Variants in FER observed in about 807,000 individuals in gnomAD.
FER encodes the protein tyrosine-protein kinase Fer.
A neutral mutation model predicts 111.0 loss-of-function variants in FER; 63 were observed. That is an observed-to-expected ratio of 0.57 (90% CI 0.46 to 0.70). The LOEUF (loss-of-function observed/expected upper bound fraction) is 0.70. FER is among the 30% of genes least tolerant of loss of function. FER has a pLI of 0.00. For synonymous variants in FER, 327 were observed against 313.9 expected (o/e 1.04, Z -0.44); for missense variants, 914 against 954.0 (o/e 0.96, Z 0.55).
chr5:108,906,087 C>G (rs759232686), intron 10 of FER, among the ~76,000 whole-genome samples: 1 of 152,176 alleles, frequency 6.6e-6, no homozygotes, highest in Admixed American at 6.5e-5. Context: ...GGGACTTTTT[C>G]TGTCCCCATT....
chr5:108,825,341 G>T (rs1012723568), intron 3 of FER, among the ~76,000 whole-genome samples: 1 of 152,190 alleles, frequency 6.6e-6, no homozygotes, highest in Non-Finnish European at 1.5e-5. Context: ...CCCTAGGTGC[G>T]CATTCTCTTT....
At chr5:109,070,272 G>A (rs572089039) in intron 16 of FER, among the ~76,000 whole-genome samples, 4 of 152,060 alleles carry the variant, frequency 2.6e-5, no homozygotes, top group African/African-American at 9.6e-5. Context: ...AAATGAAAGA[G>A]CATAAGACAT....
intron 8 of FER, among the ~76,000 whole-genome samples, chr5:108,874,946 A>G (rs1764938202): frequency 6.6e-6 from 1 of 152,154 alleles, no homozygotes; most frequent in Non-Finnish European, 1.5e-5. Flanking sequence ...TACATATGTA[A>G]GTTGGTGTAT....
chr5:109,040,006 A>G (rs541225309), intron 14 of FER, among the ~76,000 whole-genome samples: 21 of 152,090 alleles, frequency 1.4e-4, no homozygotes, highest in Non-Finnish European at 2.2e-4. Context: ...TGAGTTCTGG[A>G]TGTACTTTTG....
At chr5:109,084,784 G>A (rs539898801) in intron 16 of FER, among the ~76,000 whole-genome samples, 7 of 151,902 alleles carry the variant, frequency 4.6e-5, no homozygotes, top group African/African-American at 1.7e-4. Flanking sequence ...ATGTTACCGA[G>A]GGGGTTGAAA....
At chr5:108,856,261 C>G (rs994620329) in intron 5 of FER, among the ~76,000 whole-genome samples, 1 of 152,052 alleles carries the variant, frequency 6.6e-6, no homozygotes, top group Admixed American at 6.6e-5. Flanking sequence ...TTCACAGACT[C>G]CCTCTTCACA....
chr5:109,015,251 G>A (rs1156392376), intron 13 of FER, among the ~76,000 whole-genome samples: 4 of 151,952 alleles, frequency 2.6e-5, no homozygotes, highest in Non-Finnish European at 5.9e-5. Context: ...TGATTTTGCT[G>A]TTCAGCACTT....
intron 16 of FER, among the ~76,000 whole-genome samples, chr5:109,047,411 G>A (rs1036881658): frequency 6.6e-6 from 1 of 151,950 alleles, no homozygotes; most frequent in African/African-American, 2.4e-5. Context: ...TTTTTAAAAG[G>A]CAGATTTATT....
chr5:109,147,800 T>TATATAGAG (rs1487827199), intron 17 of FER, among the ~76,000 whole-genome samples: 26 of 118,606 alleles, frequency 2.2e-4, no homozygotes, highest in African/African-American at 3.5e-4. Flanking sequence ...TATATATATA[T>TATATAGAG]AGAGAGAGAG....
At chr5:109,146,566 T>C (rs1754240082) in intron 17 of FER, among the ~76,000 whole-genome samples, 1 of 151,954 alleles carries the variant, frequency 6.6e-6, no homozygotes, top group Non-Finnish European at 1.5e-5. Flanking sequence ...TAACATTTCC[T>C]TGTATGGCAA....
rs753923532 is a variant in FER, at chr5:108,835,776, C to T, written c.450C>T (p.Ala150=). 1.4e-5 allele frequency: 22 copies of T among 1,557,020 alleles called. No individual in the cohort carries two copies. In the East Asian group the frequency reaches 5.0e-4, roughly 35 times the overall value. Residue 150 remains alanine (A), a synonymous_variant, in exon 5 of 20, where the codon GCC becomes GCT. Transcript: ENST00000281092. Reference sequence around the variant, plus strand: ...AATTAATAAAAGAAATGAATTCTGCCAAAGAGAAATATAAAGAAGCTTTAG... The same window carrying T: ...AATTAATAAAAGAAATGAATTCTGCTAAAGAGAAATATAAAGAAGCTTTAG... ...YRQLIKEMNS[A]KEKYKEALAK...
intron 16 of FER, among the ~76,000 whole-genome samples, chr5:109,076,377 A>G (rs1776342567): frequency 6.6e-6 from 1 of 152,090 alleles, no homozygotes; most frequent in South Asian, 2.1e-4. Context: ...TTCCTTGCCC[A>G]CTGGATAATT....
chr5:109,030,662 G>C (rs1455559201), intron 13 of FER, among the ~76,000 whole-genome samples: 1 of 152,120 alleles, frequency 6.6e-6, no homozygotes, highest in Non-Finnish European at 1.5e-5. Flanking sequence ...ACTGAGGAAG[G>C]GCATCTTAGG....
chr5:108,835,180 C>T (rs1409745348), intron 4 of FER, among the ~76,000 whole-genome samples: 2 of 97,978 alleles, frequency 2.0e-5, no homozygotes, highest in Non-Finnish European at 4.1e-5. Flanking sequence ...TCTTCGTTTG[C>T]GCCACCCCCC....
chr5:108,797,392 G>T (rs554741778), intron 2 of FER, among the ~76,000 whole-genome samples: 51 of 152,236 alleles, frequency 3.4e-4, no homozygotes, highest in Non-Finnish European at 8.8e-5. Flanking sequence ...TCTCTAGGTT[G>T]CTGAAACTCA....
chr5:109,049,081 G>A (rs1444799682), intron 16 of FER, among the ~76,000 whole-genome samples: 2 of 152,110 alleles, frequency 1.3e-5, no homozygotes, highest in Non-Finnish European at 2.9e-5. Context: ...GTGTCTGTAG[G>A]TAAAAATTCA....
At chr5:108,828,230 A>G (rs1448781863) in intron 3 of FER, among the ~76,000 whole-genome samples, 1 of 152,158 alleles carries the variant, frequency 6.6e-6, no homozygotes, top group Non-Finnish European at 1.5e-5. Context: ...GTTAAAATGG[A>G]TAGTGTTAAC....
At position 109,136,107 on chromosome 5, in the gene FER, G is replaced by C. The variant is rs150353814; in HGVS notation, c.2048+35588G>C. Among the ~76,000 whole-genome samples, 32 of 151,806 alleles carry C rather than the reference G, an allele frequency of 2.1e-4. No homozygotes were observed. The East Asian group carries it at 5.3e-3, about 25-fold the overall frequency. On this transcript the variant is annotated intron_variant, in intron 17 of 19. Transcript: ENST00000281092. ...CCTGTTTTTACTAAAAATACAAAAAGTAGTCGAGCGTAGTGGCACTCACCT... is the reference window on the plus strand; with the variant it reads ...CCTGTTTTTACTAAAAATACAAAAACTAGTCGAGCGTAGTGGCACTCACCT...
intron 16 of FER, among the ~76,000 whole-genome samples, chr5:109,079,643 T>C (rs1194842170): frequency 6.6e-6 from 1 of 152,144 alleles, no homozygotes; most frequent in Non-Finnish European, 1.5e-5. Flanking sequence ...CATGTCAGTG[T>C]AGATGCCAGA....
Sources: allele counts gnomAD v4.1 joint callset (sites outside exome capture counted in the v4.1 genomes callset), GRCh38; gene constraint gnomAD v4.1.1; transcripts MANE v1.5; gene names NCBI Gene and HGNC (gene_info 2026-07-23, HGNC 2026-07-21).